Variants in ALDH9A1 observed in about 807,000 individuals in gnomAD.
The protein encoded by ALDH9A1 is 4-trimethylaminobutyraldehyde dehydrogenase.
ALDH9A1 carries 42 observed loss-of-function variants against 56.6 expected under a neutral mutation model. The observed-to-expected ratio is 0.74, with a 90% CI of 0.58 to 0.96. The LOEUF (loss-of-function observed/expected upper bound fraction) is 0.96. Ranked by LOEUF, ALDH9A1 falls within the 40% of genes least tolerant of loss-of-function variation. ALDH9A1 has a pLI of 0.00. For missense variants in ALDH9A1, 661 were observed against 651.5 expected (o/e 1.01, Z -0.16); for synonymous variants, 242 against 236.0 (o/e 1.03, Z -0.23).
chr1:165,696,841 T>C (rs1459265102), intron 1 of ALDH9A1, among the ~76,000 whole-genome samples: 1 of 152,232 alleles, frequency 6.6e-6, no homozygotes, highest in Non-Finnish European at 1.5e-5. Context: ...ACACACACTG[T>C]AGGCAATTAA....
In ALDH9A1 at chr1:165,695,258, T is replaced by C. The variant is rs1242346532; in HGVS notation, c.321A>G (p.Ile107Met). The change falls in exon 2 of 11, where the codon ATA becomes ATG. Residue 107 changes from isoleucine (I) to methionine (M), a missense_variant. Physicochemically the swap from Ile to Met is conservative, Grantham distance 10. Coordinates refer to ENST00000354775, the MANE Select transcript of ALDH9A1 (RefSeq NM_000696.4). The part of the protein sequence containing the change: ...RCRILLEAAR[I>M]IREREDEIAT... ...GAAATAAATTGGAACATACCCTTATTATCCTGGCAGCCTCCAAAAGGATTC... is the reference window on the plus strand; with the variant it reads ...GAAATAAATTGGAACATACCCTTATCATCCTGGCAGCCTCCAAAAGGATTC... 3 of 1,607,016 alleles carry C rather than the reference T, an allele frequency of 1.9e-6. No individual in the cohort carries two copies. The highest frequency in any genetic ancestry group is 1.1e-5 in the South Asian group (1 of 89,708).
intron 1 of ALDH9A1, among the ~76,000 whole-genome samples, chr1:165,695,840 GGTTTTTTTGTTTT>G (rs1650065736): frequency 1.3e-5 from 2 of 150,610 alleles, no homozygotes; most frequent in African/African-American, 4.9e-5. Context: ...TATACTAGCA[GGTTTTTTTGTTTT>G]GTTTTTTTGT....
intron 4 of ALDH9A1, among the ~76,000 whole-genome samples, chr1:165,681,767 C>T (rs2101748134): frequency 6.6e-6 from 1 of 152,300 alleles, no homozygotes; most frequent in Non-Finnish European, 1.5e-5. Flanking sequence ...AGTGCTAACT[C>T]CTACCTTAAA....
At chr1:165,692,622 A>ATG (rs1558012739) in intron 2 of ALDH9A1, among the ~76,000 whole-genome samples, 15 of 152,190 alleles carry the variant, frequency 9.9e-5, no homozygotes, top group African/African-American at 3.1e-4. Flanking sequence ...TCAATATCGC[A>ATG]AAAATGGCCA....
chr1:165,679,497 T>C lies in ALDH9A1; in HGVS notation c.875A>G (p.Asp292Gly), dbSNP rs1649474906. The C allele has an allele frequency of 6.2e-7, 1 of 1,614,086 alleles. No individual in the cohort carries two copies. Among genetic ancestry groups the C allele is most frequent in the African/African-American group, 1.3e-5 (1 of 74,936 alleles). Residue 292 changes from aspartate (D) to glycine (G), a missense_variant, in exon 6 of 11, where the codon GAT becomes GGT. Transcript: ENST00000354775. ...KSPLIIFSDC[D>G]MNNAVKGALM... is the part of the protein sequence containing the mutation. ...CGCCCCCTTTACAGCATTGTTCATA[T>C]CACAGTCTGAGAAGATGATGAGTGG...
At chr1:165,680,737 C>T (rs569459164) in intron 4 of ALDH9A1, 54 bp from the exon 5 acceptor site, 2 of 1,495,008 alleles carry the variant, frequency 1.3e-6, no homozygotes, top group African/African-American at 1.4e-5. Flanking sequence ...CAGTGATCCC[C>T]TGAAAACAGG....
intron 8 of ALDH9A1, 193 bp downstream of exon 8, chr1:165,668,733 T>C: frequency 2.1e-6 from 1 of 471,502 alleles, no homozygotes. Flanking sequence ...CTAATACATA[T>C]GGGTGCCCTA....
chr1:165,669,414 C>G lies in ALDH9A1; in HGVS notation c.967G>C (p.Glu323Gln), dbSNP rs755173841. 2 of 1,613,686 alleles carry G rather than the reference C, an allele frequency of 1.2e-6. No individual in the cohort carries two copies. The highest frequency in any genetic ancestry group is 1.7e-6 in the Non-Finnish European group (2 of 1,179,838). The change falls in exon 7 of 11, where the codon GAA becomes CAA. Residue 323 changes from glutamate (E) to glutamine (Q), a missense_variant. By Grantham distance (29) the Glu-to-Gln change is conservative. Transcript: ENST00000354775. ...TCCTCTGTAAATTTATCAAGAATTT[C>G]TTTCTGCACAAATACTCTTGTGCCA... ...CNGTRVFVQK[E>Q]ILDKFTEEVV...
chr1:165,685,290 C>T (rs10918241), intron 2 of ALDH9A1, among the ~76,000 whole-genome samples: 102,419 of 152,114 alleles, frequency 0.67, 34,733 homozygotes, highest in East Asian at 0.95. Context: ...CCTTTCACTT[C>T]GAACCCCTCA....
intron 6 of ALDH9A1, among the ~76,000 whole-genome samples, chr1:165,673,184 C>G (rs1027189697): frequency 6.7e-5 from 10 of 149,488 alleles, no homozygotes; most frequent in Non-Finnish European, 1.0e-4. Flanking sequence ...AAATGGCCAA[C>G]AAGTTTATGA....
chr1:165,673,421 A>T (rs1035785068), intron 6 of ALDH9A1, among the ~76,000 whole-genome samples: 1 of 152,218 alleles, frequency 6.6e-6, no homozygotes, highest in Admixed American at 6.5e-5. Context: ...TTTCTTAATA[A>T]ACTTACTTTC....
Position 165,680,493 on chromosome 1 carries a change from G to A in ALDH9A1, c.783C>T (p.Gly261=). Residue 261 remains glycine, a synonymous_variant, in exon 5 of 11, where the codon GGC becomes GGT. Coordinates refer to ENST00000354775, the MANE Select transcript of ALDH9A1 (RefSeq NM_000696.4). ...ATACTGGTTTTGTCCTCACCTTCAT[G>A]CCAGTGGGCACACTTCCAGTGAAGG... The part of the protein sequence containing the change: ...KVSFTGSVPT[G]MKIMEMSAKG... 1 of 1,613,972 alleles carries A rather than the reference G, an allele frequency of 6.2e-7. No homozygotes were observed. The highest frequency in any genetic ancestry group is 8.5e-7 in the Non-Finnish European group (1 of 1,179,960).
In ALDH9A1 at chr1:165,679,486, C is replaced by A; in HGVS notation, c.886G>T (p.Ala296Ser). ...TTGGCCATCAGCGCCCCCTTTACAG[C>A]ATTGTTCATATCACAGTCTGAGAAG... is the stretch of plus-strand genomic sequence containing the variant. ...IIFSDCDMNN[A>S]VKGALMANFL... Residue 296 changes from alanine (A) to serine (S), a missense_variant, in exon 6 of 11, where the codon GCT (alanine) becomes TCT (serine). Ala to Ser is a moderately conservative substitution (Grantham distance 99). Transcript: ENST00000354775. 6.2e-7 allele frequency: 1 copy of A among 1,614,168 alleles called. No individual in the cohort carries two copies. Among genetic ancestry groups the A allele is most frequent in the East Asian group, 2.2e-5 (1 of 44,880 alleles).
At chr1:165,667,220 A>G (rs1649034460) in intron 9 of ALDH9A1, 89 bp downstream of exon 9, 25 of 1,525,304 alleles carry the variant, frequency 1.6e-5, no homozygotes, top group Non-Finnish European at 2.1e-5. Context: ...AGGGCAAACT[A>G]AAGTGAGAGA....
At chr1:165,682,544 TG>T (rs1393876181) in intron 3 of ALDH9A1, among the ~76,000 whole-genome samples, 1 of 152,194 alleles carries the variant, frequency 6.6e-6, no homozygotes, top group Non-Finnish European at 1.5e-5. Flanking sequence ...AAAATGGAAA[TG>T]AGAGGAACAC....
In ALDH9A1 at chr1:165,683,078, G is replaced by A; in HGVS notation, c.360C>T (p.Cys120=). 1 of 1,614,036 alleles carries A rather than the reference G, an allele frequency of 6.2e-7. No individual in the cohort carries two copies. The highest frequency in any genetic ancestry group is 1.3e-5 in the African/African-American group (1 of 75,022). ...CAAAGATGGACTTGCCATTGTTGAT[G>A]CACTCCATAGTAGCAATTTCATCCT... ...EREDEIATME[C]INNGKSIFEA... The change falls in exon 3 of 11, where the codon TGC becomes TGT. Residue 120 remains cysteine (C), a synonymous_variant. Coordinates refer to ENST00000354775, the MANE Select transcript of ALDH9A1 (RefSeq NM_000696.4).
chr1:165,689,648 A>G (rs911529449), intron 2 of ALDH9A1, among the ~76,000 whole-genome samples: 15 of 152,132 alleles, frequency 9.9e-5, no homozygotes, highest in African/African-American at 3.6e-4. Flanking sequence ...AAACAAAAAA[A>G]CTAGGCCGGA....
rs534041560 is a variant in ALDH9A1, at chr1:165,698,527, G to C, written c.32C>G (p.Ser11Cys). 6.2e-7 allele frequency: 1 copy of C among 1,610,468 alleles called. No homozygotes were observed. The highest frequency in any genetic ancestry group is 1.7e-5 in the Admixed American group (1 of 59,810). MFLRAGLAAL[S>C]PLLRSLRPSP... ...GGGCCGAAGACTGCGAAGAAGCGGG[G>C]AGAGCGCGGCCAGGCCTGCTCGGAG... Residue 11 changes from serine (S) to cysteine (C), a missense_variant, in exon 1 of 11, where the codon TCC (serine) becomes TGC (cysteine). Ser to Cys is a moderately radical substitution (Grantham distance 112). Coordinates refer to ENST00000354775, the MANE Select transcript of ALDH9A1 (RefSeq NM_000696.4).
At chr1:165,674,640 C>T (rs1158763104) in intron 6 of ALDH9A1, among the ~76,000 whole-genome samples, 4 of 142,178 alleles carry the variant, frequency 2.8e-5, no homozygotes, top group South Asian at 2.2e-4. Context: ...GAGCTGAGAT[C>T]GTGCCATTGC....
Sources: allele counts gnomAD v4.1 joint callset (sites outside exome capture counted in the v4.1 genomes callset), GRCh38; gene constraint gnomAD v4.1.1; transcripts MANE v1.5; gene names NCBI Gene and HGNC (gene_info 2026-07-23, HGNC 2026-07-21).